The following LOC128092253 variants were observed in gnomAD, a reference collection of about 807,000 sequenced individuals.
chr6:133,954,340 GC>G, the LOC128092253 span, among the ~76,000 whole-genome samples: 1 of 152,210 alleles, frequency 6.6e-6, no homozygotes, highest in African/African-American at 2.4e-5. Flanking sequence ...GTGTGTGTAA[GC>G]AATGTGGATT....
At chr6:133,959,818 A>T in the LOC128092253 span, among the ~76,000 whole-genome samples, 1 of 152,200 alleles carries the variant, frequency 6.6e-6, no homozygotes, top group African/African-American at 2.4e-5. Context: ...TTTTTCAGGG[A>T]CAGATGTTGC....
the LOC128092253 span, among the ~76,000 whole-genome samples, chr6:133,978,389 A>G: frequency 6.6e-6 from 1 of 152,218 alleles, no homozygotes; most frequent in East Asian, 1.9e-4. Context: ...ATATGAGAAC[A>G]CTGAGACACA....
chr6:133,957,952 A>G, the LOC128092253 span, among the ~76,000 whole-genome samples: 1 of 152,252 alleles, frequency 6.6e-6, no homozygotes, highest in African/African-American at 2.4e-5. Flanking sequence ...GAGGCTTTCT[A>G]CTAGAGCATT....
chr6:133,980,088 A>T, the LOC128092253 span: 2 of 1,450,892 alleles, frequency 1.4e-6, no homozygotes, highest in Admixed American at 5.0e-5. Context: ...TCAGGATGTG[A>T]TCTTCGTGGT....
At chr6:133,977,690 T>G in the LOC128092253 span, among the ~76,000 whole-genome samples, 2 of 152,314 alleles carry the variant, frequency 1.3e-5, no homozygotes, top group Non-Finnish European at 2.9e-5. Context: ...ATCACAGAAA[T>G]CCAACATGAG....
At chr6:133,977,823 A>G in the LOC128092253 span, among the ~76,000 whole-genome samples, 1 of 152,166 alleles carries the variant, frequency 6.6e-6, no homozygotes, top group African/African-American at 2.4e-5. Flanking sequence ...CCTCATCCTC[A>G]TTGTCTCGTG....
the LOC128092253 span, chr6:133,968,735 A>G: frequency 1.3e-5 from 2 of 152,240 alleles, no homozygotes; most frequent in African/African-American, 4.8e-5. Flanking sequence ...CAGTGGCACA[A>G]TCTCTGCTCA....
At chr6:133,976,147 CTT>C in the LOC128092253 span, among the ~76,000 whole-genome samples, 10 of 152,192 alleles carry the variant, frequency 6.6e-5, no homozygotes, top group Admixed American at 5.2e-4. Context: ...ATCGTTAACT[CTT>C]TTGCATTCAG....
the LOC128092253 span, among the ~76,000 whole-genome samples, chr6:133,975,875 A>G: frequency 3.3e-5 from 5 of 152,176 alleles, no homozygotes; most frequent in African/African-American, 1.2e-4. Flanking sequence ...AATGATAGGT[A>G]CGTAGATGTT....
At chr6:133,971,083 T>C in the LOC128092253 span, among the ~76,000 whole-genome samples, 7,206 of 152,250 alleles carry the variant, frequency 0.047, 588 homozygotes, top group African/African-American at 0.16. Context: ...CAACCTCCGT[T>C]CATTCTCATC....
chr6:133,968,344 A>C, the LOC128092253 span, among the ~76,000 whole-genome samples: 58 of 152,320 alleles, frequency 3.8e-4, no homozygotes, highest in Non-Finnish European at 7.9e-4. Context: ...ATCTATCCAA[A>C]ATAAAACTTG....
At chr6:133,972,704 G>GT in the LOC128092253 span, among the ~76,000 whole-genome samples, 1 of 137,132 alleles carries the variant, frequency 7.3e-6, no homozygotes, top group African/African-American at 2.7e-5. Context: ...TTGTTTGTTT[G>GT]TTTTTTTCCC....
chr6:133,961,198 C>T, the LOC128092253 span, among the ~76,000 whole-genome samples: 2 of 152,158 alleles, frequency 1.3e-5, no homozygotes, highest in Non-Finnish European at 2.9e-5. Flanking sequence ...AAACCATTTT[C>T]TCAGTTGTTC....
At chr6:133,954,628 T>C in the LOC128092253 span, among the ~76,000 whole-genome samples, 1 of 152,318 alleles carries the variant, frequency 6.6e-6, no homozygotes, top group East Asian at 1.9e-4. Flanking sequence ...AGGCCACATA[T>C]ACATACAAAG....
chr6:133,978,951 A>G, the LOC128092253 span, among the ~76,000 whole-genome samples: 4 of 152,208 alleles, frequency 2.6e-5, no homozygotes. Context: ...AGTTAAGTCA[A>G]ATTGCCATTG....
At chr6:133,970,795 C>CT in the LOC128092253 span, among the ~76,000 whole-genome samples, 9 of 151,978 alleles carry the variant, frequency 5.9e-5, no homozygotes, top group East Asian at 1.5e-3. Flanking sequence ...GAAATTGAGT[C>CT]TATCTGTGTT....
At chr6:133,957,656 T>C in the LOC128092253 span, among the ~76,000 whole-genome samples, 1 of 152,244 alleles carries the variant, frequency 6.6e-6, no homozygotes, top group Non-Finnish European at 1.5e-5. Flanking sequence ...GTACGGACTC[T>C]GGATGCAGGC....
the LOC128092253 span, among the ~76,000 whole-genome samples, chr6:133,977,055 A>G: frequency 2.5e-3 from 385 of 152,238 alleles, 1 homozygote; most frequent in South Asian, 8.9e-3. Flanking sequence ...AAGGGATATA[A>G]TATGTTTAGC....
At chr6:133,957,169 T>A in the LOC128092253 span, among the ~76,000 whole-genome samples, 1 of 151,718 alleles carries the variant, frequency 6.6e-6, no homozygotes, top group Non-Finnish European at 1.5e-5. Flanking sequence ...TAAATGTTTT[T>A]AAAAAAAAAC....
Sources: allele counts gnomAD v4.1 joint callset (sites outside exome capture counted in the v4.1 genomes callset), GRCh38; gene constraint gnomAD v4.1.1; transcripts MANE v1.5.